USH2A: variants seen among roughly 807,000 people sequenced by gnomAD.
The protein encoded by USH2A is usherin.
A neutral mutation model predicts 538.9 loss-of-function variants in USH2A; 443 were observed. The ratio of observed to expected loss-of-function variants is 0.82; its 90% CI spans 0.76 to 0.89. The LOEUF is 0.89. USH2A is among the 40% of genes least tolerant of loss of function. The pLI is 0.00. For missense variants in USH2A, 6,633 were observed against 6,324.8 expected (o/e 1.05, Z -1.65); for synonymous variants, 2,413 against 2,273.5 (o/e 1.06, Z -1.75).
At chr1:215,678,737 C>T (rs975118559) in intron 62 of USH2A, among the ~76,000 whole-genome samples, 11 of 152,106 alleles carry the variant, frequency 7.2e-5, no homozygotes, top group African/African-American at 9.7e-5. Flanking sequence ...CACACACGCA[C>T]GTGCACTCAC....
intron 21 of USH2A, among the ~76,000 whole-genome samples, chr1:216,111,857 C>T (rs918180683): frequency 6.6e-6 from 1 of 151,474 alleles, no homozygotes; most frequent in African/African-American, 2.4e-5. Flanking sequence ...TATCAAATAT[C>T]CCTTCAGCTT....
chr1:216,064,833 T>C (rs1172885020), intron 30 of USH2A, among the ~76,000 whole-genome samples: 1 of 152,218 alleles, frequency 6.6e-6, no homozygotes. Flanking sequence ...TCTAGGTTTA[T>C]GTAAGCACAT....
At chr1:216,353,530 A>G (rs1419300849) in intron 4 of USH2A, among the ~76,000 whole-genome samples, 1 of 152,126 alleles carries the variant, frequency 6.6e-6, no homozygotes, top group African/African-American at 2.4e-5. Flanking sequence ...GAAAATCCCC[A>G]TGAAAAATTA....
intron 21 of USH2A, among the ~76,000 whole-genome samples, chr1:216,104,035 T>C (rs1053711036): frequency 6.6e-6 from 1 of 152,186 alleles, no homozygotes; most frequent in Admixed American, 6.5e-5. Context: ...AGTCTTTGAC[T>C]TACCTTTTCA....
At chr1:215,780,103 G>A in intron 54 of USH2A, 62 bp from the exon 55 acceptor site, 2 of 1,565,680 alleles carry the variant, frequency 1.3e-6, no homozygotes, top group Non-Finnish European at 1.8e-6. Context: ...CCTGATCAAT[G>A]AGAATGTCAC....
rs1013868450 is a variant in USH2A, at chr1:215,835,910, T to A, written c.9371+2081A>T. ...TCTCTCACTTTCCTTGTTCTTGTTG[T>A]ATAATACTCTTTTTAATGTTTCTGT... On this transcript the variant is annotated intron_variant, in intron 47 of 71. Coordinates refer to ENST00000307340, the MANE Select transcript of USH2A (RefSeq NM_206933.4). 3.3e-5 allele frequency among the ~76,000 whole-genome samples: 5 copies of A among 152,304 alleles called. 1 individual carries two copies. The Middle Eastern group carries it at 0.01, about 311-fold the overall frequency.
intron 9 of USH2A, among the ~76,000 whole-genome samples, chr1:216,311,917 A>G (rs1301921863): frequency 6.6e-6 from 1 of 152,022 alleles, no homozygotes; most frequent in Non-Finnish European, 1.5e-5. Context: ...TCTTATTATA[A>G]TTTTGAACAA....
chr1:215,776,469 T>C, intron 55 of USH2A, among the ~76,000 whole-genome samples: 1 of 152,160 alleles, frequency 6.6e-6, no homozygotes, highest in South Asian at 2.1e-4. Context: ...ATTTACGGGA[T>C]CATGTTTCTA....
chr1:215,901,704 T>C (rs888697061), intron 38 of USH2A, among the ~76,000 whole-genome samples: 1 of 152,166 alleles, frequency 6.6e-6, no homozygotes, highest in African/African-American at 2.4e-5. Context: ...CAGGAATGTG[T>C]AAAACTAAAG....
In USH2A at chr1:215,905,337, G is replaced by A. The variant is rs1276860565; in HGVS notation, c.7301-4432C>T. ...GCCTGTGTGTGTGCATTTCAAAATAGTGAAATAAAATGCTGCATTAAAATA... is the reference window on the plus strand; with the variant it reads ...GCCTGTGTGTGTGCATTTCAAAATAATGAAATAAAATGCTGCATTAAAATA... On this transcript the variant is annotated intron_variant, in intron 38 of 71. Coordinates refer to ENST00000307340, the MANE Select transcript of USH2A (RefSeq NM_206933.4). Among the ~76,000 whole-genome samples the A allele has an allele frequency of 2.0e-5, 3 of 152,026 alleles. No homozygotes were observed. In the East Asian group the frequency reaches 5.8e-4, roughly 29 times the overall value.
intron 32 of USH2A, among the ~76,000 whole-genome samples, chr1:216,012,433 C>T (rs889198419): frequency 7.2e-5 from 11 of 152,214 alleles, no homozygotes; most frequent in Admixed American, 5.9e-4. Context: ...ACCTCTTAGT[C>T]TAGGTAGACA....
Position 215,842,537 on chromosome 1 carries a change from A to G in USH2A, c.9258+1757T>C, listed in dbSNP as rs533251468. On this transcript the variant is annotated intron_variant, in intron 46 of 71. Coordinates refer to ENST00000307340, the MANE Select transcript of USH2A (RefSeq NM_206933.4). ...TGTTCATTGCAGCACTATTAACAATAGCAATGACATGGAATCAACCCAAAC... is the reference window on the plus strand; with the variant it reads ...TGTTCATTGCAGCACTATTAACAATGGCAATGACATGGAATCAACCCAAAC... 6.2e-4 allele frequency among the ~76,000 whole-genome samples: 95 copies of G among 152,356 alleles called. 2 individuals are homozygous for G. The South Asian group carries it at 0.018, about 29-fold the overall frequency.
At position 215,972,080 on chromosome 1, in the gene USH2A, G is replaced by A. The variant is rs6701473; in HGVS notation, c.6806-1304C>T. On this transcript the variant is annotated intron_variant, in intron 35 of 71. Coordinates refer to ENST00000307340, the MANE Select transcript of USH2A (RefSeq NM_206933.4). Reference sequence around the variant, plus strand: ...ACGTCCGCCCCAGCTACACATCCACGCTTCTATAGCCTGTTCTGTACGGCT... The same window carrying A: ...ACGTCCGCCCCAGCTACACATCCACACTTCTATAGCCTGTTCTGTACGGCT... 7.8e-3 allele frequency among the ~76,000 whole-genome samples: 1,195 copies of A among 152,276 alleles called. 17 individuals carry two copies. Among genetic ancestry groups the A allele is most frequent in the African/African-American group, 0.026 (1,098 of 41,568 alleles).
chr1:215,973,771 T>G (rs574395013), intron 35 of USH2A, among the ~76,000 whole-genome samples: 2 of 151,652 alleles, frequency 1.3e-5, no homozygotes, highest in Non-Finnish European at 2.9e-5. Flanking sequence ...GAGCAGACAG[T>G]TATTGAAAGA....
chr1:216,134,671 T>C (rs556689714), intron 21 of USH2A, among the ~76,000 whole-genome samples: 1 of 152,112 alleles, frequency 6.6e-6, no homozygotes, highest in South Asian at 2.1e-4. Context: ...ACAAATTCTG[T>C]CATGATTGAA....
chr1:216,057,137 T>C (rs1558235071), intron 30 of USH2A, among the ~76,000 whole-genome samples: 1 of 147,050 alleles, frequency 6.8e-6, no homozygotes, highest in African/African-American at 2.6e-5. Context: ...AATGAAAAAC[T>C]TTTTTTTTTA....
intron 61 of USH2A, among the ~76,000 whole-genome samples, chr1:215,714,098 T>G (rs1418882198): frequency 6.6e-6 from 1 of 152,244 alleles, no homozygotes; most frequent in Non-Finnish European, 1.5e-5. Flanking sequence ...AAATTGAAAT[T>G]GGAACATATA....
At chr1:215,897,601 A>G (rs1215557905) in intron 40 of USH2A, among the ~76,000 whole-genome samples, 3 of 152,072 alleles carry the variant, frequency 2.0e-5, no homozygotes, top group African/African-American at 7.2e-5. Flanking sequence ...AGGCAGAAGA[A>G]TTGCTTGAAC....
At position 215,970,751 on chromosome 1, in the gene USH2A, A is replaced by G. The variant is rs1226437991; in HGVS notation, c.6831T>C (p.Tyr2277=). 1 of 1,613,404 alleles carries G rather than the reference A, an allele frequency of 6.2e-7. No homozygotes were observed. Among genetic ancestry groups the G allele is most frequent in the Non-Finnish European group, 8.5e-7 (1 of 1,179,608 alleles). ...AATTGTGGATTAATATACCATCTAGATATAATCCATAACTCGTGATAACAC... is the reference window on the plus strand; with the variant it reads ...AATTGTGGATTAATATACCATCTAGGTATAATCCATAACTCGTGATAACAC... The part of the protein sequence containing the change: ...PNGVITSYGL[Y]LDGILIHNSS... Residue 2277 remains tyrosine, a synonymous_variant, in exon 36 of 72, where the codon TAT becomes TAC. Coordinates refer to ENST00000307340, the MANE Select transcript of USH2A (RefSeq NM_206933.4).
Sources: gnomAD v4.1 joint callset for allele counts (sites outside exome capture counted in the v4.1 genomes callset) on GRCh38, gnomAD v4.1.1 for gene constraint, MANE v1.5 for transcripts, NCBI Gene and HGNC (gene_info 2026-07-23, HGNC 2026-07-21) for gene names.